PRSS3: variants seen among roughly 807,000 people sequenced by gnomAD.
PRSS3 encodes serine protease 3.
Under a neutral mutation model 20.8 loss-of-function variants are expected in PRSS3, and 14 were observed. The observed-to-expected ratio is 0.67, with a 90% CI of 0.44 to 1.05. The LOEUF is 1.05. Among genes scored for constraint, PRSS3 ranks in the 50% least tolerant of loss-of-function variants. The pLI is 0.00. For missense variants in PRSS3, 237 were observed against 306.4 expected (o/e 0.77, Z 1.69); for synonymous variants, 91 against 117.6 (o/e 0.77, Z 1.46).
intron 1 of PRSS3, among the ~76,000 whole-genome samples, chr9:33,769,101 A>C (rs1823571217): frequency 6.6e-6 from 1 of 152,186 alleles, no homozygotes; most frequent in South Asian, 2.1e-4. Context: ...TAAATGATGA[A>C]CTTGGATATT....
At position 33,750,729 on chromosome 9, in the gene PRSS3, T is replaced by G; in HGVS notation, c.-53+2T>G. 2 of 1,434,484 alleles carry G rather than the reference T, an allele frequency of 1.4e-6. No homozygotes were observed. Among genetic ancestry groups the G allele is most frequent in the Admixed American group, 3.0e-5 (1 of 33,572 alleles). 88.9% of individuals were successfully genotyped at this position (1,434,484 alleles called of 1,614,324 possible). A position where few individuals can be genotyped will look rare whatever the true frequency, so the allele number is the denominator to read the frequency against. ...ACGGCTGCGAGGCGCTGGGCACAGG[T>G]CAGACGTCAGTACCCGCAGGGGGCT... On this transcript the variant is annotated splice_donor_variant, in intron 1 of 5. Coordinates refer to the PRSS3 transcript ENST00000342836. LOFTEE classifies it low-confidence loss of function (5UTR_SPLICE). This position sits in a 1 kb window ranked among gnomAD's most constrained non-coding sequence, Gnocchi z 4.8.
At chr9:33,774,359 T>G (rs1307669153) in intron 1 of PRSS3, among the ~76,000 whole-genome samples, 14 of 152,178 alleles carry the variant, frequency 9.2e-5, no homozygotes, top group African/African-American at 3.4e-4. Flanking sequence ...TAAGTTTAAA[T>G]AAATTTCTAC....
At chr9:33,790,581 C>G (rs1824587360), upstream of PRSS3, among the ~76,000 whole-genome samples, 2 of 152,178 alleles carry the variant, frequency 1.3e-5, no homozygotes, top group Admixed American at 1.3e-4. Flanking sequence ...CCCTTCCACT[C>G]TACGTAAAAG....
intron 1 of PRSS3, among the ~76,000 whole-genome samples, chr9:33,753,338 G>A (rs768482886): frequency 1.3e-5 from 2 of 151,942 alleles, no homozygotes; most frequent in Non-Finnish European, 2.9e-5. Context: ...CAATCTTGTG[G>A]TTTTTCAAAG....
intron 1 of PRSS3, among the ~76,000 whole-genome samples, chr9:33,757,119 A>G (rs1422912157): frequency 1.3e-5 from 2 of 152,216 alleles, no homozygotes; most frequent in Non-Finnish European, 2.9e-5. Flanking sequence ...TTATTATGTC[A>G]TCTGCTTAAC....
At chr9:33,791,781 T>C (rs369553431), upstream of PRSS3, among the ~76,000 whole-genome samples, 7 of 152,226 alleles carry the variant, frequency 4.6e-5, no homozygotes, top group South Asian at 1.0e-3. Flanking sequence ...TAAAATAATT[T>C]AGGTTTAGTC....
rs542157814 is a variant in PRSS3 at position 33,786,280 on chromosome 9, G to A, written c.-52-8466G>A. On this transcript the variant is annotated intron_variant, in intron 1 of 5. Coordinates refer to the PRSS3 transcript ENST00000342836. Reference sequence around the variant, plus strand: ...ATGAGCCTTGACTTGTGAGGAGTCTGGGGTTAATGTTAATGCTGGGTAGAG... The same window carrying A: ...ATGAGCCTTGACTTGTGAGGAGTCTAGGGTTAATGTTAATGCTGGGTAGAG... 66 of 566,888 alleles carry A rather than the reference G, an allele frequency of 1.2e-4. No homozygotes were observed. The Admixed American group carries it at 2.0e-3, about 17-fold the overall frequency. The allele number at this position is 566,888 out of a possible 1,614,324, so 35.1% of individuals were successfully genotyped here.
intron 1 of PRSS3, among the ~76,000 whole-genome samples, chr9:33,781,458 C>A (rs144469433): frequency 6.6e-6 from 1 of 152,142 alleles, no homozygotes; most frequent in Admixed American, 6.5e-5. Context: ...TTCTCACTTA[C>A]AAGTGGGAAC....
At position 33,750,940 on chromosome 9, in the gene PRSS3, G is replaced by A; in HGVS notation, c.-53+213G>A. The A allele has an allele frequency of 2.5e-6, 3 of 1,209,108 alleles. No homozygotes were observed. The highest frequency in any genetic ancestry group is 3.2e-6 in the Non-Finnish European group (3 of 946,140). The allele number at this position is 1,209,108 out of a possible 1,614,324, so 74.9% of individuals were successfully genotyped here. ...TAGGGGAGGACGGGAGGGGATGGAG[G>A]GCCCTGGTGTCGCAGAAGCCCACCT... On this transcript the variant is annotated intron_variant, in intron 1 of 5. Coordinates refer to the PRSS3 transcript ENST00000342836. This position sits in a 1 kb window ranked among gnomAD's most constrained non-coding sequence, Gnocchi z 4.8.
At chr9:33,783,654 G>A (rs745356404) in intron 1 of PRSS3, among the ~76,000 whole-genome samples, 10 of 152,138 alleles carry the variant, frequency 6.6e-5, no homozygotes, top group African/African-American at 1.7e-4. Flanking sequence ...GAAATATGCC[G>A]ATAAGAACCA....
intron 1 of PRSS3, among the ~76,000 whole-genome samples, chr9:33,759,837 G>A (rs1563956387): frequency 1.3e-5 from 2 of 152,292 alleles, no homozygotes; most frequent in South Asian, 4.1e-4. Flanking sequence ...CGGAAGTAAG[G>A]GCTTATGCAA....
upstream of PRSS3, among the ~76,000 whole-genome samples, chr9:33,794,097 C>T (rs560826192): frequency 2.6e-5 from 4 of 152,366 alleles, no homozygotes; most frequent in East Asian, 3.9e-4. Context: ...CTCAACTCCA[C>T]GGGCCCCACA....
intron 1 of PRSS3, among the ~76,000 whole-genome samples, chr9:33,785,274 T>G (rs1235979266): frequency 2.2e-5 from 3 of 139,214 alleles, no homozygotes; most frequent in African/African-American, 2.7e-5. Flanking sequence ...GCCTCCCGGG[T>G]TCACCCCATT....
At chr9:33,757,406 C>T (rs1448223497) in intron 1 of PRSS3, among the ~76,000 whole-genome samples, 1 of 152,112 alleles carries the variant, frequency 6.6e-6, no homozygotes, top group Non-Finnish European at 1.5e-5. Context: ...GAAGGTAACC[C>T]TCCAAATCCA....
At chr9:33,786,479 C>A in intron 1 of PRSS3, 1 of 728,972 alleles carries the variant, frequency 1.4e-6, no homozygotes, top group South Asian at 1.5e-5. Flanking sequence ...GAGACTTTCC[C>A]GTCTGACCCC....
At chr9:33,794,716 G>A (rs1457685184), upstream of PRSS3, 3 of 1,530,736 alleles carry the variant, frequency 2.0e-6, no homozygotes, top group Non-Finnish European at 2.6e-6. Flanking sequence ...CCCTGAGCAG[G>A]TGAGTCAGTT....
chr9:33,786,644 T>A (rs987166420), intron 1 of PRSS3: 13 of 766,336 alleles, frequency 1.7e-5, no homozygotes, highest in Non-Finnish European at 3.1e-5. Context: ...GTTCTGGTAC[T>A]GTCAGCAACC....
At position 33,799,166 on chromosome 9, in the gene PRSS3, G is replaced by T; in HGVS notation, c.730G>T (p.Ala244Ser). ...NYVDWIKDTI[A>S]ANS is the part of the protein sequence containing the mutation. Reference sequence around the variant, plus strand: ...TGTGGACTGGATTAAGGACACCATCGCTGCCAACAGCTAAAGCCCCCGGTC... The same window carrying T: ...TGTGGACTGGATTAAGGACACCATCTCTGCCAACAGCTAAAGCCCCCGGTC... Residue 244 changes from alanine to serine, a missense_variant, in exon 5 of 5, where the codon GCT becomes TCT. Coordinates refer to ENST00000379405, the MANE Select transcript of PRSS3 (RefSeq NM_002771.4). 8.7e-6 allele frequency: 14 copies of T among 1,614,098 alleles called. No individual in the cohort carries two copies. Among genetic ancestry groups the T allele is most frequent in the Non-Finnish European group, 1.2e-5 (14 of 1,179,994 alleles).
In PRSS3 at chr9:33,797,951, T is replaced by C. The variant is rs867663484; in HGVS notation, c.323T>C (p.Ile108Thr). 1 of 1,614,238 alleles carries C rather than the reference T, an allele frequency of 6.2e-7. No homozygotes were observed. ...KYNRDTLDND[I>T]MLIKLSSPAV... Reference sequence around the variant, plus strand: ...AACAGGGACACTCTGGACAATGACATCATGCTGATCAAACTCTCCTCACCT... The same window carrying C: ...AACAGGGACACTCTGGACAATGACACCATGCTGATCAAACTCTCCTCACCT... The change falls in exon 3 of 5, where the codon ATC becomes ACC. Residue 108 changes from isoleucine to threonine, a missense_variant. Ile to Thr is a moderately conservative substitution (Grantham distance 89). Transcript: ENST00000379405.
Sources: gnomAD v4.1 joint callset for allele counts (sites outside exome capture counted in the v4.1 genomes callset) on GRCh38, gnomAD v4.1.1 for gene constraint, Gnocchi (gnomAD v3.1) non-coding constraint, MANE v1.5 for transcripts, NCBI Gene and HGNC (gene_info 2026-07-23, HGNC 2026-07-21) for gene names.